Variants in KLHDC1 observed in about 807,000 individuals in gnomAD.
KLHDC1 encodes kelch domain-containing protein 1.
KLHDC1 carries 53 observed loss-of-function variants against 68.3 expected under a neutral mutation model. The observed-to-expected ratio is 0.78, with a 90% CI of 0.62 to 0.98. The LOEUF is 0.98. Among genes scored for constraint, KLHDC1 ranks in the 50% least tolerant of loss-of-function variants. KLHDC1 has a pLI of 0.00. For synonymous variants in KLHDC1, 148 were observed against 159.0 expected (o/e 0.93, Z 0.52); for missense variants, 470 against 492.3 (o/e 0.95, Z 0.43).
chr14:49,731,650 A>C (rs1028446325), intron 8 of KLHDC1, among the ~76,000 whole-genome samples: 14 of 151,526 alleles, frequency 9.2e-5, no homozygotes, highest in African/African-American at 3.4e-4. Flanking sequence ...TTATGTTTTT[A>C]TTTTTCATGC....
chr14:49,723,952 G>C lies in KLHDC1; in HGVS notation c.483G>C (p.Trp161Cys). Residue 161 changes from tryptophan (W) to cysteine (C), a missense_variant and splice_region_variant, in exon 5 of 13, where the codon TGG becomes TGC. Transcript: ENST00000359332. The stretch of plus-strand genomic sequence containing the variant: ...GTTTTGATGTTCATGATGCATCTTG[G>C]GTAAGATAGTAATCACTGTTTACAT... ...QDCFDVHDASWEEQIFWGWHN... is the reference protein window; with the variant it reads ...QDCFDVHDASCEEQIFWGWHN... 6.4e-7 allele frequency: 1 copy of C among 1,574,470 alleles called. No homozygotes were observed. The highest frequency in any genetic ancestry group is 8.7e-7 in the Non-Finnish European group (1 of 1,148,008).
intron 4 of KLHDC1, among the ~76,000 whole-genome samples, chr14:49,713,821 TATATATATATATATATA>T (rs1566602792): frequency 0.042 from 132 of 3,160 alleles, 7 homozygotes; most frequent in African/African-American, 0.064. Flanking sequence ...TATATATATA[TATATATATATATATATA>T]TATATATATA....
At chr14:49,738,989 G>A (rs906417261) in intron 10 of KLHDC1, among the ~76,000 whole-genome samples, 1 of 152,190 alleles carries the variant, frequency 6.6e-6, no homozygotes. Flanking sequence ...CATAATCTTA[G>A]TTAGCTAGTC....
intron 4 of KLHDC1, among the ~76,000 whole-genome samples, chr14:49,722,773 G>T (rs909842689): frequency 7.9e-5 from 12 of 152,180 alleles, no homozygotes; most frequent in African/African-American, 2.9e-4. Flanking sequence ...AGAGCTTGTG[G>T]AGGGAAGCTC....
chr14:49,736,027 A>T (rs1352206472), intron 10 of KLHDC1, among the ~76,000 whole-genome samples: 1 of 152,320 alleles, frequency 6.6e-6, no homozygotes, highest in East Asian at 1.9e-4. Context: ...AAAAAGAAAG[A>T]AAGAAACTGA....
chr14:49,693,748 C>CTTGTTTTTTTTTTTTTTTTTT (rs1887645004), intron 1 of KLHDC1, among the ~76,000 whole-genome samples: 1 of 61,540 alleles, frequency 1.6e-5, no homozygotes, highest in Non-Finnish European at 3.4e-5. Flanking sequence ...TTTTCTTTTT[C>CTTGTTTTTTTTTTTTTTTTTT]TTTTTTTTTT....
intron 10 of KLHDC1, among the ~76,000 whole-genome samples, chr14:49,738,821 G>A (rs551605618): frequency 1.3e-4 from 20 of 152,306 alleles, no homozygotes; most frequent in Middle Eastern, 3.4e-3. Context: ...AGCATTTGCC[G>A]ATTTCCAAGG....
intron 1 of KLHDC1, among the ~76,000 whole-genome samples, chr14:49,702,943 C>T (rs893061764): frequency 4.6e-5 from 7 of 152,200 alleles, no homozygotes; most frequent in Non-Finnish European, 8.8e-5. Flanking sequence ...CAGACCTGCT[C>T]TCTTGGCATG....
At chr14:49,713,046 T>C (rs1258275113) in intron 4 of KLHDC1, among the ~76,000 whole-genome samples, 5 of 150,750 alleles carry the variant, frequency 3.3e-5, no homozygotes, top group African/African-American at 1.2e-4. Context: ...GCCTCCCAGG[T>C]TCACGCCATT....
chr14:49,716,894 T>C (rs566614329), intron 4 of KLHDC1, among the ~76,000 whole-genome samples: 30 of 152,264 alleles, frequency 2.0e-4, no homozygotes, highest in African/African-American at 7.0e-4. Context: ...TTCCAACCCC[T>C]GGTGACCTCT....
intron 1 of KLHDC1, 112 bp downstream of exon 1, chr14:49,693,402 C>T: frequency 2.9e-6 from 2 of 686,156 alleles, no homozygotes; most frequent in Non-Finnish European, 2.1e-6. Context: ...CTGGCGCGCC[C>T]GGCGCCTGCA....
At chr14:49,714,276 A>C (rs2139743279) in intron 4 of KLHDC1, among the ~76,000 whole-genome samples, 1 of 151,196 alleles carries the variant, frequency 6.6e-6, no homozygotes, top group South Asian at 2.1e-4. Context: ...GTTCGAGACC[A>C]GCCTGGCCAG....
intron 8 of KLHDC1, among the ~76,000 whole-genome samples, chr14:49,731,109 G>A (rs565559681): frequency 1.1e-3 from 166 of 152,204 alleles, no homozygotes; most frequent in African/African-American, 3.7e-3. Flanking sequence ...GTGAAACCCC[G>A]TCTCTACTAA....
chr14:49,715,825 T>A (rs533003067), intron 4 of KLHDC1, among the ~76,000 whole-genome samples: 2 of 149,588 alleles, frequency 1.3e-5, no homozygotes, highest in African/African-American at 4.9e-5. Flanking sequence ...CCTAGATGTT[T>A]ATGAGCAATG....
intron 2 of KLHDC1, 110 bp downstream of exon 2, chr14:49,709,339 A>T (rs529006619): frequency 7.3e-6 from 4 of 544,634 alleles, no homozygotes; most frequent in African/African-American, 2.0e-5. Context: ...ACATTTTTGA[A>T]GTCTCCCTTT....
chr14:49,720,276 G>A lies in KLHDC1; in HGVS notation c.405-3598G>A, dbSNP rs183834997. ...GCTGGGATTACAGGCGTGAGCCACA[G>A]CGCTCAGCCTTTTAAAATTTTTTGT... On this transcript the variant is annotated intron_variant, in intron 4 of 12. Coordinates refer to ENST00000359332, the MANE Select transcript of KLHDC1 (RefSeq NM_172193.3). Among the ~76,000 whole-genome samples the A allele has an allele frequency of 1.1e-4, 17 of 152,238 alleles. No homozygotes were observed. In the East Asian group the frequency reaches 3.1e-3, roughly 28 times the overall value.
At chr14:49,736,043 G>A (rs544168050) in intron 10 of KLHDC1, among the ~76,000 whole-genome samples, 4 of 152,144 alleles carry the variant, frequency 2.6e-5, no homozygotes, top group South Asian at 2.1e-4. Flanking sequence ...ACTGAGCATC[G>A]ATTTTTTCAT....
intron 4 of KLHDC1, among the ~76,000 whole-genome samples, chr14:49,715,601 T>C (rs954437501): frequency 1.3e-5 from 2 of 150,328 alleles, no homozygotes; most frequent in African/African-American, 4.9e-5. Flanking sequence ...AAAAATTAGC[T>C]GGGTGCAGTG....
rs748028176 is a variant in KLHDC1 at position 49,709,719 on chromosome 14, C to G, written c.178C>G (p.Leu60Val). The part of the protein sequence containing the change: ...DIDSGLWRMH[L>V]MEGELPASMS... The stretch of plus-strand genomic sequence containing the variant: ...TTATTCTTGCTGCAGGAGAATGCAC[C>G]TCATGGAAGGAGAACTCCCAGCCTC... The change falls in exon 3 of 13, where the codon CTC (leucine) becomes GTC (valine). Residue 60 changes from leucine to valine, a missense_variant. Coordinates refer to ENST00000359332, the MANE Select transcript of KLHDC1 (RefSeq NM_172193.3). The G allele has an allele frequency of 1.6e-5, 25 of 1,582,834 alleles. No homozygotes were observed. The highest frequency in any genetic ancestry group is 2.1e-5 in the Non-Finnish European group (25 of 1,163,954).
Sources: gnomAD v4.1 joint callset for allele counts (sites outside exome capture counted in the v4.1 genomes callset) on GRCh38, gnomAD v4.1.1 for gene constraint, MANE v1.5 for transcripts, NCBI Gene and HGNC (gene_info 2026-07-23, HGNC 2026-07-21) for gene names.